PPP1R9A: variants seen among roughly 807,000 people sequenced by gnomAD.
PPP1R9A encodes protein phosphatase 1 regulatory subunit 9A.
In PPP1R9A, 59 loss-of-function variants were observed where a neutral mutation model predicts 141.9. The observed-to-expected ratio is 0.42, with a 90% CI of 0.34 to 0.52. The LOEUF is 0.52. PPP1R9A is among the 20% of genes least tolerant of loss of function. The probability of loss-of-function intolerance (pLI) is 0.10; values close to 1 mark genes in which losing one functional copy is unlikely to be tolerated. For missense variants in PPP1R9A, 1,444 were observed against 1,611.9 expected (o/e 0.90, Z 1.78); for synonymous variants, 500 against 569.7 (o/e 0.88, Z 1.74).
At chr7:95,123,388 C>G (rs1822977895) in intron 4 of PPP1R9A, among the ~76,000 whole-genome samples, 1 of 152,192 alleles carries the variant, frequency 6.6e-6, no homozygotes, top group African/African-American at 2.4e-5. Flanking sequence ...GTGGCTTATG[C>G]CTGTAATCCC....
intron 17 of PPP1R9A, among the ~76,000 whole-genome samples, chr7:95,284,946 C>T (rs960954053): frequency 2.0e-5 from 3 of 152,148 alleles, no homozygotes; most frequent in Non-Finnish European, 4.4e-5. Flanking sequence ...CAAACAGAAA[C>T]GTGATTAATG....
At chr7:94,993,777 G>A (rs1160352192) in intron 2 of PPP1R9A, among the ~76,000 whole-genome samples, 4 of 152,064 alleles carry the variant, frequency 2.6e-5, no homozygotes, top group Admixed American at 1.3e-4. Context: ...GAAGTAGCTT[G>A]GAAATTTTGT....
chr7:95,164,741 C>CTTTTTTTTTTT (rs200177321), intron 5 of PPP1R9A, among the ~76,000 whole-genome samples: 60 of 66,162 alleles, frequency 9.1e-4, no homozygotes, highest in African/African-American at 2.1e-3. Context: ...CTTTTCTTTT[C>CTTTTTTTTTTT]TTTTTTTTTT....
intron 2 of PPP1R9A, among the ~76,000 whole-genome samples, chr7:94,951,787 AG>A (rs1563037425): frequency 6.6e-6 from 1 of 151,258 alleles, no homozygotes; most frequent in African/African-American, 2.4e-5. Flanking sequence ...TTGTAATACT[AG>A]ATTGGTTTGT....
At chr7:95,126,873 T>A (rs1446223375) in intron 4 of PPP1R9A, among the ~76,000 whole-genome samples, 1 of 152,210 alleles carries the variant, frequency 6.6e-6, no homozygotes, top group Admixed American at 6.5e-5. Flanking sequence ...TAACCATTTT[T>A]GTATTTAATA....
At chr7:95,283,416 T>C (rs892856091) in intron 16 of PPP1R9A, among the ~76,000 whole-genome samples, 1 of 152,304 alleles carries the variant, frequency 6.6e-6, no homozygotes, top group Middle Eastern at 3.4e-3. Context: ...ACCATGTACT[T>C]AGGAGGTGGT....
intron 8 of PPP1R9A, 51 bp downstream of exon 8, chr7:95,226,167 G>A (rs1795120684): frequency 6.5e-6 from 10 of 1,537,732 alleles, no homozygotes; most frequent in Non-Finnish European, 8.9e-6. Context: ...ATTTCATTAA[G>A]TATATATTTC....
chr7:95,075,846 T>C (rs1814763211), intron 2 of PPP1R9A, among the ~76,000 whole-genome samples: 1 of 151,094 alleles, frequency 6.6e-6, no homozygotes, highest in South Asian at 2.1e-4. Context: ...CAAAAAAAAA[T>C]GTATGGAGAG....
At chr7:94,966,510 A>T (rs567499502) in intron 2 of PPP1R9A, among the ~76,000 whole-genome samples, 1 of 152,182 alleles carries the variant, frequency 6.6e-6, no homozygotes, top group Non-Finnish European at 1.5e-5. Context: ...TAGTTTACTG[A>T]ATTTTTAGCA....
intron 2 of PPP1R9A, among the ~76,000 whole-genome samples, chr7:94,931,835 C>G (rs1013724679): frequency 3.3e-5 from 5 of 152,176 alleles, no homozygotes; most frequent in African/African-American, 1.2e-4. Context: ...GGCTTGGCCT[C>G]CCAAAGTGCT....
chr7:95,233,932 A>G lies in PPP1R9A; in HGVS notation c.2112+7816A>G, dbSNP rs181282194. On this transcript the variant is annotated intron_variant, in intron 8 of 19. Transcript: ENST00000433360. Reference sequence around the variant, plus strand: ...AACAGAATTAAAATTTAAAAATCACATGGTCATCTCAATAGATGCAGAAAA... The same window carrying G: ...AACAGAATTAAAATTTAAAAATCACGTGGTCATCTCAATAGATGCAGAAAA... Among the ~76,000 whole-genome samples the G allele has an allele frequency of 3.3e-5, 5 of 152,340 alleles. No homozygotes were observed. In the East Asian group the frequency reaches 9.6e-4, roughly 29 times the overall value.
intron 7 of PPP1R9A, among the ~76,000 whole-genome samples, chr7:95,216,767 TTGTC>T (rs1299599109): frequency 3.9e-5 from 6 of 152,182 alleles, no homozygotes; most frequent in African/African-American, 7.2e-5. Context: ...GGCTCTCTGT[TTGTC>T]TGTTATTGGT....
intron 7 of PPP1R9A, among the ~76,000 whole-genome samples, chr7:95,224,034 T>G (rs1264217235): frequency 1.3e-5 from 2 of 149,896 alleles, no homozygotes; most frequent in Non-Finnish European, 3.0e-5. Flanking sequence ...GGAATTAGAG[T>G]TTTTTAAGAT....
At chr7:95,211,419 T>C (rs1342132848) in intron 7 of PPP1R9A, among the ~76,000 whole-genome samples, 1 of 152,194 alleles carries the variant, frequency 6.6e-6, no homozygotes, top group African/African-American at 2.4e-5. Flanking sequence ...ATGTCTTCAA[T>C]TCATAGGTTT....
In PPP1R9A at chr7:95,290,711, T is replaced by C; in HGVS notation, c.*408T>C. The stretch of plus-strand genomic sequence containing the variant: ...GGGATCCTGAAATGGCAATTGCACA[T>C]GTCTGCATGGCAGAGAGCACCCTGC... On this transcript the variant is annotated 3_prime_UTR_variant, in exon 20 of 20. Transcript: ENST00000433360. The C allele has an allele frequency of 4.9e-6, 1 of 202,322 alleles. No individual in the cohort carries two copies. Among genetic ancestry groups the C allele is most frequent in the Non-Finnish European group, 1.0e-5 (1 of 98,064 alleles). The allele number at this position is 202,322 out of a possible 1,614,324, so 12.5% of individuals were successfully genotyped here. A position where few individuals can be genotyped will look rare whatever the true frequency, so the allele number is the denominator to read the frequency against.
Position 94,908,101 on chromosome 7 carries a change from G to GC in PPP1R9A, c.-217+399_-217+400insC, listed in dbSNP as rs1175772935. 4.0e-5 allele frequency: 6 copies of GC among 150,650 alleles called. No individual in the cohort carries two copies. In the South Asian group the frequency reaches 1.2e-3, roughly 31 times the overall value. 9.3% of individuals were successfully genotyped at this position (150,650 alleles called of 1,614,324 possible). On this transcript the variant is annotated intron_variant, in intron 1 of 19. Transcript: ENST00000433360. ...CCTGCGAGGAGGGGGTGGGAGCCGCGGCGGCCCGACCCTCCCCGCCCGCGG... is the reference window on the plus strand; with the variant it reads ...CCTGCGAGGAGGGGGTGGGAGCCGCGCGCGGCCCGACCCTCCCCGCCCGCGG...
intron 2 of PPP1R9A, among the ~76,000 whole-genome samples, chr7:95,073,805 C>T (rs1814392489): frequency 6.6e-6 from 1 of 151,738 alleles, no homozygotes; most frequent in South Asian, 2.1e-4. Flanking sequence ...TGGTCTTTAA[C>T]TCCTGGGCCC....
chr7:94,956,327 C>T (rs901998910), intron 2 of PPP1R9A, among the ~76,000 whole-genome samples: 3 of 152,140 alleles, frequency 2.0e-5, no homozygotes, highest in Middle Eastern at 3.4e-3. Flanking sequence ...TAAACAAAAA[C>T]CTGCGTGCCA....
chr7:95,192,466 A>G (rs1337147843), intron 5 of PPP1R9A, among the ~76,000 whole-genome samples: 1 of 151,988 alleles, frequency 6.6e-6, no homozygotes, highest in African/African-American at 2.4e-5. Context: ...TGATCTATTG[A>G]TGTTGCCACC....
Sources: allele counts gnomAD v4.1 joint callset (sites outside exome capture counted in the v4.1 genomes callset), GRCh38; gene constraint gnomAD v4.1.1; transcripts MANE v1.5; gene names NCBI Gene and HGNC (gene_info 2026-07-23, HGNC 2026-07-21).